Variants in RALA observed in about 807,000 individuals in gnomAD.
The protein encoded by RALA is RAS like proto-oncogene A, also known as ras-related protein Ral-A.
RALA carries 5 observed loss-of-function variants against 24.0 expected under a neutral mutation model. The ratio of observed to expected loss-of-function variants is 0.21; its 90% CI spans 0.11 to 0.44. The LOEUF (loss-of-function observed/expected upper bound fraction) is 0.44. Ranked by LOEUF, RALA falls within the 20% of genes least tolerant of loss-of-function variation. The pLI is 0.99. For synonymous variants in RALA, 77 were observed against 83.8 expected (o/e 0.92, Z 0.44); for missense variants, 95 against 241.2 (o/e 0.39, Z 4.01).
intron 4 of RALA, among the ~76,000 whole-genome samples, chr7:39,699,573 A>G (rs1792986643): frequency 6.6e-6 from 1 of 152,258 alleles, no homozygotes; most frequent in African/African-American, 2.4e-5. Flanking sequence ...GGTTTAAATA[A>G]TGGAGTTTTG....
intron 1 of RALA, among the ~76,000 whole-genome samples, chr7:39,652,848 G>A (rs976285602): frequency 4.1e-5 from 6 of 147,408 alleles, no homozygotes; most frequent in Admixed American, 2.7e-4. Flanking sequence ...TCACTGCCAC[G>A]TCTGCCTCCC....
chr7:39,656,145 A>T (rs1431926933), intron 1 of RALA, among the ~76,000 whole-genome samples: 1 of 152,186 alleles, frequency 6.6e-6, no homozygotes, highest in Non-Finnish European at 1.5e-5. Context: ...TTTATTCCCA[A>T]GCCTTGTACA....
chr7:39,659,092 G>A (rs1438854020), intron 1 of RALA, among the ~76,000 whole-genome samples: 2 of 152,046 alleles, frequency 1.3e-5, no homozygotes, highest in Non-Finnish European at 1.5e-5. Context: ...CCAGCCTGGG[G>A]CAAAATGGCA....
chr7:39,637,313 A>G (rs1266499885), intron 1 of RALA, among the ~76,000 whole-genome samples: 1 of 152,190 alleles, frequency 6.6e-6, no homozygotes, highest in Non-Finnish European at 1.5e-5. Context: ...GCACTTTTGT[A>G]TACATTATCC....
chr7:39,685,801 T>G (rs1792689918), intron 1 of RALA, among the ~76,000 whole-genome samples: 1 of 152,174 alleles, frequency 6.6e-6, no homozygotes, highest in South Asian at 2.1e-4. Context: ...ATGGGATGTC[T>G]TCTTCTATAA....
chr7:39,669,312 A>G (rs1211588194), intron 1 of RALA, among the ~76,000 whole-genome samples: 6 of 152,080 alleles, frequency 3.9e-5, no homozygotes, highest in Admixed American at 3.9e-4. Flanking sequence ...CCCAATGCCT[A>G]GCATAGTACC....
intron 1 of RALA, among the ~76,000 whole-genome samples, chr7:39,675,961 G>C (rs1044728005): frequency 6.6e-6 from 1 of 151,952 alleles, no homozygotes; most frequent in South Asian, 2.1e-4. Flanking sequence ...GATAGGGGCA[G>C]AACTTTAATG....
At chr7:39,647,239 T>C (rs894298479) in intron 1 of RALA, among the ~76,000 whole-genome samples, 1 of 152,152 alleles carries the variant, frequency 6.6e-6, no homozygotes, top group Non-Finnish European at 1.5e-5. Flanking sequence ...CACAGAGTTT[T>C]GCCATGTTGC....
At chr7:39,687,651 G>A (rs540477844) in intron 2 of RALA, among the ~76,000 whole-genome samples, 1 of 152,264 alleles carries the variant, frequency 6.6e-6, no homozygotes, top group African/African-American at 2.4e-5. Flanking sequence ...ATGTTATCAA[G>A]TCTTAATGAT....
chr7:39,696,440 A>G (rs553900032), intron 3 of RALA, among the ~76,000 whole-genome samples: 1 of 152,346 alleles, frequency 6.6e-6, no homozygotes, highest in South Asian at 2.1e-4. Flanking sequence ...TGACGAAACT[A>G]AATGTCATGT....
At chr7:39,692,340 A>G (rs945347823) in intron 3 of RALA, among the ~76,000 whole-genome samples, 3 of 152,260 alleles carry the variant, frequency 2.0e-5, no homozygotes, top group African/African-American at 7.2e-5. Context: ...CAGTACCTAT[A>G]TATGCCATAG....
At chr7:39,662,266 T>C (rs993016320) in intron 1 of RALA, among the ~76,000 whole-genome samples, 1 of 152,124 alleles carries the variant, frequency 6.6e-6, no homozygotes. Context: ...GTGATTAACA[T>C]TGGGCTCCGG....
intron 1 of RALA, among the ~76,000 whole-genome samples, chr7:39,646,558 G>T (rs1002689094): frequency 6.6e-6 from 1 of 152,008 alleles, no homozygotes; most frequent in African/African-American, 2.4e-5. Flanking sequence ...GAGCCCAGAG[G>T]TCAAGGCTCT....
At chr7:39,700,746 G>A (rs1383136612) in intron 4 of RALA, 1 of 152,110 alleles carries the variant, frequency 6.6e-6, no homozygotes, top group Non-Finnish European at 1.5e-5. Flanking sequence ...GTCTGCAGTC[G>A]GTGGTCACCT....
At chr7:39,638,436 G>A (rs1001480498) in intron 1 of RALA, among the ~76,000 whole-genome samples, 3 of 152,156 alleles carry the variant, frequency 2.0e-5, no homozygotes, top group African/African-American at 7.2e-5. Context: ...TAAGGCATGT[G>A]TCAGTAGTTC....
chr7:39,678,584 TA>T (rs781353947), intron 1 of RALA, among the ~76,000 whole-genome samples: 11 of 152,224 alleles, frequency 7.2e-5, no homozygotes, highest in Non-Finnish European at 1.0e-4. Context: ...GATATCACTT[TA>T]AAAAGTTGAA....
At position 39,707,767 on chromosome 7, in the gene RALA, T is replaced by C. The variant is rs1374958383; in HGVS notation, c.*1522T>C. 1 of 152,660 alleles carries C rather than the reference T, an allele frequency of 6.6e-6. No individual in the cohort carries two copies. The highest frequency in any genetic ancestry group is 1.9e-4 in the East Asian group (1 of 5,202). The allele number at this position is 152,660 out of a possible 1,614,324, so 9.5% of individuals were successfully genotyped here. A position where few individuals can be genotyped will look rare whatever the true frequency, so the allele number is the denominator to read the frequency against. On this transcript the variant is annotated 3_prime_UTR_variant, in exon 5 of 5. Transcript: ENST00000005257. Reference sequence around the variant, plus strand: ...ATAGGCTTTTTAGGAACTCACTCTTTAGATATTTACATCCAGCTTCTCATG... The same window carrying C: ...ATAGGCTTTTTAGGAACTCACTCTTCAGATATTTACATCCAGCTTCTCATG...
intron 1 of RALA, among the ~76,000 whole-genome samples, chr7:39,682,485 C>G (rs1379767305): frequency 6.6e-6 from 1 of 152,252 alleles, no homozygotes. Flanking sequence ...ACTCCAGAGG[C>G]TTCCCATTGC....
chr7:39,677,977 G>A (rs1049023189), intron 1 of RALA, among the ~76,000 whole-genome samples: 2 of 145,642 alleles, frequency 1.4e-5, no homozygotes, highest in Admixed American at 7.1e-5. Flanking sequence ...AGTAGGTTGC[G>A]AAAATTTTCT....
Sources: gnomAD v4.1 joint callset for allele counts (sites outside exome capture counted in the v4.1 genomes callset) on GRCh38, gnomAD v4.1.1 for gene constraint, MANE v1.5 for transcripts, NCBI Gene and HGNC (gene_info 2026-07-23, HGNC 2026-07-21) for gene names.